Variants in IGFBP5 observed in about 807,000 individuals in gnomAD.
IGFBP5 encodes insulin like growth factor binding protein 5, also known as insulin-like growth factor-binding protein 5.
In IGFBP5, 12 loss-of-function variants were observed where a neutral mutation model predicts 28.0. The observed-to-expected ratio is 0.43, with a 90% CI of 0.27 to 0.69. IGFBP5 has a LOEUF of 0.69. IGFBP5 is among the 30% of genes least tolerant of loss of function. IGFBP5 has a pLI of 0.20. For missense variants in IGFBP5, 344 were observed against 381.6 expected, an observed-to-expected ratio of 0.90 and a Z score of 0.82; for synonymous variants, 152 against 150.2, an observed-to-expected ratio of 1.01 and a Z score of -0.09.
At chr2:216,680,998 G>C (rs919218551) in intron 1 of IGFBP5, among the ~76,000 whole-genome samples, 21 of 152,168 alleles carry the variant, frequency 1.4e-4, no homozygotes, top group African/African-American at 4.8e-4. Flanking sequence ...GTCATGTTCT[G>C]GGGTAAATTG....
Position 216,675,905 on chromosome 2 carries a change from G to A in IGFBP5, c.*846C>T, listed in dbSNP as rs34173673. The A allele has an allele frequency of 1.1e-4, 16 of 152,236 alleles. No individual in the cohort carries two copies. Among genetic ancestry groups the A allele is most frequent in the African/African-American group, 3.9e-4 (16 of 41,344 alleles). 9.4% of individuals were successfully genotyped at this position (152,236 alleles called of 1,614,324 possible). ...GGGCTGAAACGGCACGCTTCAGCAT[G>A]TACTGTAGTCACCGTGGAAGAACAA... On this transcript the variant is annotated 3_prime_UTR_variant, in exon 4 of 4. Transcript: ENST00000233813.
chr2:216,679,155 T>C lies in IGFBP5; in HGVS notation c.338-76A>G. Reference sequence around the variant, plus strand: ...GGCCAGAGCCCAGGGCTGGGCAGTTTGGGGTGAGGGGAGTAATAAAGGCTG... The same window carrying C: ...GGCCAGAGCCCAGGGCTGGGCAGTTCGGGGTGAGGGGAGTAATAAAGGCTG... On this transcript the variant is annotated intron_variant, in intron 1 of 3. Coordinates refer to ENST00000233813, the MANE Select transcript of IGFBP5 (RefSeq NM_000599.4). The surrounding 1 kb of genome is among the most constrained non-coding windows in gnomAD (Gnocchi z 4.6). 8.5e-7 allele frequency: 1 copy of C among 1,178,782 alleles called. No individual in the cohort carries two copies. Among genetic ancestry groups the C allele is most frequent in the South Asian group, 1.2e-5 (1 of 80,712 alleles). 73.0% of individuals were successfully genotyped at this position (1,178,782 alleles called of 1,614,324 possible).
Position 216,676,332 on chromosome 2 carries a change from A to AG in IGFBP5, c.*418dup, listed in dbSNP as rs2106216267. 1 of 164,018 alleles carries AG rather than the reference A, an allele frequency of 6.1e-6. No individual in the cohort carries two copies. Among genetic ancestry groups the AG allele is most frequent in the African/African-American group, 2.4e-5 (1 of 41,450 alleles). 10.2% of individuals were successfully genotyped at this position (164,018 alleles called of 1,614,324 possible). On this transcript the variant is annotated 3_prime_UTR_variant, in exon 4 of 4. Coordinates refer to ENST00000233813, the MANE Select transcript of IGFBP5 (RefSeq NM_000599.4). Reference sequence around the variant, plus strand: ...CGCCCACCTCTCCCGACCCCAGGCCAGGGCTGGACGTGAAAGTTGGGCCCC... The same window carrying AG: ...CGCCCACCTCTCCCGACCCCAGGCCAGGGGCTGGACGTGAAAGTTGGGCCCC...
At chr2:216,690,486 C>T (rs1019513064) in intron 1 of IGFBP5, among the ~76,000 whole-genome samples, 6 of 73,048 alleles carry the variant, frequency 8.2e-5, no homozygotes, top group Non-Finnish European at 1.7e-4. Flanking sequence ...CAAGTATTAC[C>T]TTCCCTTCCC....
At chr2:216,691,942 G>A (rs1342884997) in intron 1 of IGFBP5, among the ~76,000 whole-genome samples, 2 of 150,190 alleles carry the variant, frequency 1.3e-5, no homozygotes, top group Admixed American at 6.7e-5. Context: ...TGGCGGGGGT[G>A]GGGGAGAGGA....
In IGFBP5 at chr2:216,694,907, GT is replaced by G; in HGVS notation, c.-133del. 2 of 578,636 alleles carry G rather than the reference GT, an allele frequency of 3.5e-6. No individual in the cohort carries two copies. The highest frequency in any genetic ancestry group is 5.3e-6 in the Non-Finnish European group (2 of 378,208). 35.8% of individuals were successfully genotyped at this position (578,636 alleles called of 1,614,324 possible). A position where few individuals can be genotyped will look rare whatever the true frequency, so the allele number is the denominator to read the frequency against. On this transcript the variant is annotated 5_prime_UTR_variant, in exon 1 of 4. Coordinates refer to ENST00000233813, the MANE Select transcript of IGFBP5 (RefSeq NM_000599.4). The surrounding 1 kb of genome is among the most constrained non-coding windows in gnomAD (Gnocchi z 5.2). ...TTAAAATTTCTGGCAGGTAGAGCAG[GT>G]GCCCTCCCCCAGACACTTGCAAAAA...
Position 216,676,751 on chromosome 2 carries a change from T to A in IGFBP5, c.819A>T (p.Ter273CysextTer105). The change falls in exon 4 of 4, where the codon TGA (stop) becomes TGT (cysteine). Residue 273 changes from the stop codon to cysteine (C), a stop_lost. Transcript: ENST00000233813. The stretch of plus-strand genomic sequence containing the variant: ...GAGGGAAAGGTTGGGGGGGGACGCA[T>A]CACTCAACGTTGCTGCTGTCGAAGG... ...CHTFDSSNVE[*>C] is the part of the protein sequence containing the mutation. 6.2e-7 allele frequency: 1 copy of A among 1,611,730 alleles called. No individual in the cohort carries two copies. Among genetic ancestry groups the A allele is most frequent in the Non-Finnish European group, 8.5e-7 (1 of 1,178,704 alleles).
intron 1 of IGFBP5, among the ~76,000 whole-genome samples, chr2:216,685,534 C>T (rs1349912233): frequency 2.6e-5 from 4 of 152,150 alleles, no homozygotes; most frequent in Non-Finnish European, 4.4e-5. Context: ...TCTGCAGTCC[C>T]CCTCCTCCCT....
At chr2:216,691,341 AGAG>A (rs1689093052) in intron 1 of IGFBP5, among the ~76,000 whole-genome samples, 1 of 152,202 alleles carries the variant, frequency 6.6e-6, no homozygotes, top group Non-Finnish European at 1.5e-5. Flanking sequence ...TCACCAGCAC[AGAG>A]GAGACCTACC....
At position 216,676,736 on chromosome 2, in the gene IGFBP5, T is replaced by C. The variant is rs1409748613; in HGVS notation, c.*15A>G. 4.7e-6 allele frequency: 7 copies of C among 1,479,580 alleles called. No homozygotes were observed. The South Asian group carries it at 5.7e-5, about 12-fold the overall frequency. The allele number at this position is 1,479,580 out of a possible 1,614,324, so 91.7% of individuals were successfully genotyped here. On this transcript the variant is annotated 3_prime_UTR_variant, in exon 4 of 4. Coordinates refer to ENST00000233813, the MANE Select transcript of IGFBP5 (RefSeq NM_000599.4). ...GGGGTGGGAGGGGGTGAGGGAAAGGTTGGGGGGGGACGCATCACTCAACGT... is the reference window on the plus strand; with the variant it reads ...GGGGTGGGAGGGGGTGAGGGAAAGGCTGGGGGGGGACGCATCACTCAACGT...
intron 1 of IGFBP5, among the ~76,000 whole-genome samples, chr2:216,688,196 T>C (rs1287274527): frequency 2.0e-5 from 3 of 152,184 alleles, no homozygotes; most frequent in Non-Finnish European, 4.4e-5. Flanking sequence ...GATTTTAAAG[T>C]ATGTTTGGAA....
rs138757825 is a variant in IGFBP5, at chr2:216,676,772, G to A, written c.798C>T (p.Phe266=). 2,850 of 1,613,742 alleles carry A rather than the reference G, an allele frequency of 1.8e-3. 15 individuals are homozygous for A. Among genetic ancestry groups the A allele is most frequent in the Middle Eastern group, 0.014 (85 of 6,054 alleles). ...CGCATCACTCAACGTTGCTGCTGTC[G>A]AAGGTGTGGCACTGAAAGTCCCCGT... ...YVDGDFQCHT[F]DSSNVE Residue 266 remains phenylalanine, a synonymous_variant, in exon 4 of 4, where the codon TTC becomes TTT. Coordinates refer to ENST00000233813, the MANE Select transcript of IGFBP5 (RefSeq NM_000599.4).
Position 216,672,292 on chromosome 2 carries a change from G to A in IGFBP5, c.*4459C>T, listed in dbSNP as rs1211875338. On this transcript the variant is annotated 3_prime_UTR_variant, in exon 4 of 4. Transcript: ENST00000233813. ...TGCTAAACGGGAGCCGAGCTCTTCC[G>A]CATTCAGGTGTTTTTTTTTTTTTTT... 2 of 138,018 alleles carry A rather than the reference G, an allele frequency of 1.4e-5. No individual in the cohort carries two copies. Among genetic ancestry groups the A allele is most frequent in the African/African-American group, 2.8e-5 (1 of 35,586 alleles). 8.5% of individuals were successfully genotyped at this position (138,018 alleles called of 1,614,324 possible).
intron 1 of IGFBP5, among the ~76,000 whole-genome samples, chr2:216,686,008 A>C (rs1181106021): frequency 6.6e-6 from 1 of 151,818 alleles, no homozygotes; most frequent in Non-Finnish European, 1.5e-5. Context: ...AGAAAAAAAA[A>C]AAACCCAAAG....
intron 1 of IGFBP5, among the ~76,000 whole-genome samples, chr2:216,680,691 G>A (rs11575184): frequency 0.011 from 1,711 of 152,316 alleles, 14 homozygotes; most frequent in Non-Finnish European, 0.017. Context: ...GGTTCGCAGC[G>A]TTCCTGGTGG....
At chr2:216,681,917 C>T (rs952613608) in intron 1 of IGFBP5, among the ~76,000 whole-genome samples, 1 of 152,164 alleles carries the variant, frequency 6.6e-6, no homozygotes, top group African/African-American at 2.4e-5. Context: ...GTTTGATAAA[C>T]CTTGGGGTAA....
At chr2:216,691,084 T>C (rs193150757) in intron 1 of IGFBP5, among the ~76,000 whole-genome samples, 102 of 152,246 alleles carry the variant, frequency 6.7e-4, no homozygotes, top group African/African-American at 2.2e-3. Flanking sequence ...AACCCAGACA[T>C]AAATTTGGCC....
chr2:216,689,468 T>A (rs1392643155), intron 1 of IGFBP5, among the ~76,000 whole-genome samples: 1 of 152,216 alleles, frequency 6.6e-6, no homozygotes, highest in Non-Finnish European at 1.5e-5. Context: ...TCACTCCTTT[T>A]CCTACTGCCC....
At chr2:216,682,747 C>T (rs995503949) in intron 1 of IGFBP5, among the ~76,000 whole-genome samples, 4 of 151,146 alleles carry the variant, frequency 2.6e-5, no homozygotes, top group Non-Finnish European at 5.9e-5. Context: ...CTCCTTCTGT[C>T]GCCCAGGCTG....
Sources: gnomAD v4.1 joint callset for allele counts (sites outside exome capture counted in the v4.1 genomes callset) on GRCh38, gnomAD v4.1.1 for gene constraint, Gnocchi (gnomAD v3.1) non-coding constraint, MANE v1.5 for transcripts, NCBI Gene and HGNC (gene_info 2026-07-23, HGNC 2026-07-21) for gene names.